The following RUBCN variants were observed in gnomAD, a reference collection of about 807,000 sequenced individuals.
The protein encoded by RUBCN is rubicon autophagy regulator, also known as run domain Beclin-1-interacting and cysteine-rich domain-containing protein.
RUBCN carries 74 observed loss-of-function variants against 113.2 expected under a neutral mutation model. That is an observed-to-expected ratio of 0.65 (90% CI 0.54 to 0.79). The LOEUF (loss-of-function observed/expected upper bound fraction) is 0.79, where lower values mean the gene tolerates loss of function less well. Among genes scored for constraint, RUBCN ranks in the 30% least tolerant of loss-of-function variants. RUBCN has a pLI of 0.00. For missense variants in RUBCN, 1,109 were observed against 1,251.7 expected, an observed-to-expected ratio of 0.89 and a Z score of 1.72; for synonymous variants, 480 against 490.0, an observed-to-expected ratio of 0.98 and a Z score of 0.27.
intron 1 of RUBCN, among the ~76,000 whole-genome samples, chr3:197,726,978 C>T (rs1445663467): frequency 1.1e-4 from 15 of 141,954 alleles, no homozygotes; most frequent in Admixed American, 5.7e-4. Flanking sequence ...TTTGCTCTGT[C>T]GCCCAGGCTG....
chr3:197,675,409 C>T lies in RUBCN; in HGVS notation c.2740+13G>A. ...TTCAGGCTCACTTGCCCGATGCCTGCACCTGCCCTCACCTTCACAGGTCCG... is the reference window on the plus strand; with the variant it reads ...TTCAGGCTCACTTGCCCGATGCCTGTACCTGCCCTCACCTTCACAGGTCCG... On this transcript the variant is annotated intron_variant, in intron 19 of 19. Coordinates refer to ENST00000296343, the MANE Select transcript of RUBCN (RefSeq NM_014687.4). The surrounding 1 kb of genome is among the most constrained non-coding windows in gnomAD (Gnocchi z 4.4). 3.1e-6 allele frequency: 5 copies of T among 1,607,546 alleles called. No individual in the cohort carries two copies. Among genetic ancestry groups the T allele is most frequent in the Non-Finnish European group, 4.3e-6 (5 of 1,174,480 alleles).
At chr3:197,712,200 T>C (rs767394007) in intron 2 of RUBCN, among the ~76,000 whole-genome samples, 16 of 152,190 alleles carry the variant, frequency 1.1e-4, no homozygotes, top group Non-Finnish European at 2.1e-4. Context: ...TCCACATTTC[T>C]AAGCAACAGA....
rs970619117 is a variant in RUBCN, at chr3:197,682,755, A to G, written c.1981-140T>C. The G allele has an allele frequency of 1.9e-5, 21 of 1,086,360 alleles. No individual in the cohort carries two copies. In the Admixed American group the frequency reaches 3.2e-4, roughly 16 times the overall value. The allele number at this position is 1,086,360 out of a possible 1,614,324, so 67.3% of individuals were successfully genotyped here. A position where few individuals can be genotyped will look rare whatever the true frequency, so the allele number is the denominator to read the frequency against. ...ACACGGACGGGCTTGAGAAACAGAAATGCGGGACCCTTTTGGCCATGACAG... is the reference window on the plus strand; with the variant it reads ...ACACGGACGGGCTTGAGAAACAGAAGTGCGGGACCCTTTTGGCCATGACAG... On this transcript the variant is annotated intron_variant, in intron 13 of 19. Transcript: ENST00000296343.
chr3:197,728,936 T>C (rs1229003678), intron 1 of RUBCN, among the ~76,000 whole-genome samples: 1 of 152,102 alleles, frequency 6.6e-6, no homozygotes, highest in African/African-American at 2.4e-5. Flanking sequence ...GAGTGTGCCA[T>C]GGTTTTGTAA....
At chr3:197,705,595 T>TA (rs1158333616) in intron 2 of RUBCN, among the ~76,000 whole-genome samples, 357 of 138,480 alleles carry the variant, frequency 2.6e-3, no homozygotes, top group Non-Finnish European at 4.0e-3. Context: ...GAAAAGGAAT[T>TA]AAAAAAAAAA....
At chr3:197,740,345 T>A (rs1728475192), upstream of RUBCN, among the ~76,000 whole-genome samples, 1 of 151,698 alleles carries the variant, frequency 6.6e-6, no homozygotes, top group East Asian at 2.0e-4. Context: ...GGCAGACGCC[T>A]GTAATCCCAG....
chr3:197,709,302 C>A (rs1295707969), intron 2 of RUBCN, among the ~76,000 whole-genome samples: 1 of 152,042 alleles, frequency 6.6e-6, no homozygotes, highest in Non-Finnish European at 1.5e-5. Context: ...GAGGGAAAAA[C>A]CACCACCATC....
chr3:197,730,465 G>C (rs1034024585), intron 1 of RUBCN, among the ~76,000 whole-genome samples: 7 of 152,074 alleles, frequency 4.6e-5, no homozygotes, highest in Admixed American at 2.0e-4. Context: ...TAGTCTACCT[G>C]AGAATGAAAA....
At chr3:197,687,085 A>C (rs1263779068) in intron 11 of RUBCN, among the ~76,000 whole-genome samples, 1 of 152,246 alleles carries the variant, frequency 6.6e-6, no homozygotes, top group African/African-American at 2.4e-5. Flanking sequence ...TAAGTGAGTC[A>C]CAAGAAGAGT....
intron 2 of RUBCN, among the ~76,000 whole-genome samples, chr3:197,714,774 G>A (rs1470443606): frequency 6.6e-6 from 1 of 152,130 alleles, no homozygotes; most frequent in East Asian, 1.9e-4. Flanking sequence ...ACATGAGCGA[G>A]AACACACAAT....
intron 3 of RUBCN, 72 bp downstream of exon 3, chr3:197,705,020 T>A: frequency 8.3e-7 from 1 of 1,201,412 alleles, no homozygotes; most frequent in Non-Finnish European, 1.2e-6. Context: ...GCCTAGAAGA[T>A]TCTTCTGACA....
At chr3:197,726,326 A>G (rs1447433627) in intron 1 of RUBCN, among the ~76,000 whole-genome samples, 3 of 151,704 alleles carry the variant, frequency 2.0e-5, no homozygotes, top group Non-Finnish European at 4.4e-5. Flanking sequence ...GGTTCACTGC[A>G]AGCTCTGCCT....
At chr3:197,731,928 A>G (rs1727548629) in intron 1 of RUBCN, among the ~76,000 whole-genome samples, 1 of 152,254 alleles carries the variant, frequency 6.6e-6, no homozygotes, top group African/African-American at 2.4e-5. Flanking sequence ...AGAAGGCTTC[A>G]AAAGAAAAAT....
chr3:197,736,809 G>A lies in RUBCN; in HGVS notation c.-90C>T, dbSNP rs996241707. 6.9e-7 allele frequency: 1 copy of A among 1,448,170 alleles called. No individual in the cohort carries two copies. The highest frequency in any genetic ancestry group is 2.6e-5 in the Admixed American group (1 of 37,756). The allele number at this position is 1,448,170 out of a possible 1,614,324, so 89.7% of individuals were successfully genotyped here. A position where few individuals can be genotyped will look rare whatever the true frequency, so the allele number is the denominator to read the frequency against. On this transcript the variant is annotated 5_prime_UTR_variant, in exon 1 of 20. Transcript: ENST00000296343. ...CCCGGGGCCCCCTGGGGCCGGAGGA[G>A]GCACCTGCGGCCGGTGGGCTCCGGG...
At chr3:197,733,859 T>C (rs532245976) in intron 1 of RUBCN, among the ~76,000 whole-genome samples, 1 of 152,378 alleles carries the variant, frequency 6.6e-6, no homozygotes, top group South Asian at 2.1e-4. Flanking sequence ...GCTATCCTAC[T>C]GGCCTGAATG....
At chr3:197,682,336 C>A (rs1560408671) in intron 14 of RUBCN, 134 bp downstream of exon 14, 2 of 1,052,478 alleles carry the variant, frequency 1.9e-6, no homozygotes, top group Non-Finnish European at 2.8e-6. Flanking sequence ...GACGACGCCC[C>A]CCCTCTGCCT....
Position 197,681,065 on chromosome 3 carries a change from C to CGAGGGGAGGGGAT in RUBCN, c.2430+51_2430+63dup. On this transcript the variant is annotated intron_variant, in intron 16 of 19. Transcript: ENST00000296343. This position sits in a 1 kb window ranked among gnomAD's most constrained non-coding sequence, Gnocchi z 5.5. ...ATGGGGGGAGGGGACGGGGGAGGGA[C>CGAGGGGAGGGGAT]GAGGGGAGGGGATGAGGGGAGGAGA... 3 of 807,138 alleles carry CGAGGGGAGGGGAT rather than the reference C, an allele frequency of 3.7e-6. No individual in the cohort carries two copies. Among genetic ancestry groups the CGAGGGGAGGGGAT allele is most frequent in the Non-Finnish European group, 5.8e-6 (3 of 520,922 alleles). The allele number at this position is 807,138 out of a possible 1,614,324, so 50.0% of individuals were successfully genotyped here. A position where few individuals can be genotyped will look rare whatever the true frequency, so the allele number is the denominator to read the frequency against.
At chr3:197,739,564 C>T (rs112904031), upstream of RUBCN, among the ~76,000 whole-genome samples, 1 of 151,768 alleles carries the variant, frequency 6.6e-6, no homozygotes, top group Non-Finnish European at 1.5e-5. Flanking sequence ...GGCGTGGTGG[C>T]GGGCGCCTGT....
At chr3:197,688,546 AC>A (rs1290165154) in intron 11 of RUBCN, among the ~76,000 whole-genome samples, 35 of 152,192 alleles carry the variant, frequency 2.3e-4, no homozygotes, top group African/African-American at 8.2e-4. Flanking sequence ...TCCTGATCGG[AC>A]CCTGACTAGA....
Sources: gnomAD v4.1 joint callset for allele counts (sites outside exome capture counted in the v4.1 genomes callset) on GRCh38, gnomAD v4.1.1 for gene constraint, Gnocchi (gnomAD v3.1) non-coding constraint, MANE v1.5 for transcripts, NCBI Gene and HGNC (gene_info 2026-07-23, HGNC 2026-07-21) for gene names.